The following PARS2 variants were observed in gnomAD, a reference collection of about 807,000 sequenced individuals.
The protein encoded by PARS2 is probable proline--tRNA ligase, mitochondrial.
Under a neutral mutation model 27.4 loss-of-function variants are expected in PARS2, and 20 were observed. The observed-to-expected ratio is 0.73, with a 90% CI of 0.51 to 1.06. The LOEUF is 1.06. Ranked by LOEUF, PARS2 falls within the 50% of genes least tolerant of loss-of-function variation. The pLI is 0.00. For missense variants in PARS2, 585 were observed against 602.1 expected (o/e 0.97, Z 0.30); for synonymous variants, 240 against 247.1 (o/e 0.97, Z 0.27).
At chr1:54,763,882 G>C (rs555421474) in intron 1 of PARS2, among the ~76,000 whole-genome samples, 1 of 152,186 alleles carries the variant, frequency 6.6e-6, no homozygotes, top group Non-Finnish European at 1.5e-5. Context: ...GTCTCACAAA[G>C]TGCTATTATT....
rs1412480802 is a variant in PARS2 at position 54,758,959 on chromosome 1, C to G, written c.203G>C (p.Cys68Ser). Reference protein sequence around the residue: ...SLQDKSDDLTCKSQRLMLQVG... With the variant: ...SLQDKSDDLTSKSQRLMLQVG... Reference sequence around the variant, plus strand: ...CTGCAGCATCAGCCGCTGGCTCTTACAGGTCAGGTCATCAGATTTGTCCTG... The same window carrying G: ...CTGCAGCATCAGCCGCTGGCTCTTAGAGGTCAGGTCATCAGATTTGTCCTG... The change falls in exon 2 of 2, where the codon TGT becomes TCT. Residue 68 changes from cysteine (C) to serine (S), a missense_variant. Physicochemically the swap from Cys to Ser is moderately radical, Grantham distance 112. Transcript: ENST00000371279. 6.2e-7 allele frequency: 1 copy of G among 1,614,030 alleles called. No homozygotes were observed. The highest frequency in any genetic ancestry group is 1.1e-5 in the South Asian group (1 of 91,064).
Position 54,758,713 on chromosome 1 carries a change from T to C in PARS2, c.449A>G (p.Lys150Arg), listed in dbSNP as rs748319911. 1.2e-6 allele frequency: 2 copies of C among 1,614,228 alleles called. No homozygotes were observed. Among genetic ancestry groups the C allele is most frequent in the Non-Finnish European group, 1.7e-6 (2 of 1,180,034 alleles). ...GTGAGTTGGTCCTAAGCAGTATTCCTTGCCATGCCTGTCTCTAAGTCTTAG... is the reference window on the plus strand; with the variant it reads ...GTGAGTTGGTCCTAAGCAGTATTCCCTGCCATGCCTGTCTCTAAGTCTTAG... Reference protein sequence around the residue: ...ELLRLRDRHGKEYCLGPTHEE... With the variant: ...ELLRLRDRHGREYCLGPTHEE... The change falls in exon 2 of 2, where the codon AAG (lysine) becomes AGG (arginine). Residue 150 changes from lysine to arginine, a missense_variant. Physicochemically the swap from Lys to Arg is conservative, Grantham distance 26. Coordinates refer to ENST00000371279, the MANE Select transcript of PARS2 (RefSeq NM_152268.4).
In PARS2 at chr1:54,758,813, C is replaced by T; in HGVS notation, c.349G>A (p.Val117Ile). The stretch of plus-strand genomic sequence containing the variant: ...GCCGGGCTGAGGCTGGGCATGTTGA[C>T]TTTCTGGCCCCCGATGGCCTGCATC... ...QEMQAIGGQK[V>I]NMPSLSPAEL... Residue 117 changes from valine (V) to isoleucine (I), a missense_variant, in exon 2 of 2, where the codon GTC becomes ATC. Val to Ile is a conservative substitution (Grantham distance 29). Transcript: ENST00000371279. 1.9e-6 allele frequency: 3 copies of T among 1,614,112 alleles called. No homozygotes were observed. Among genetic ancestry groups the T allele is most frequent in the Middle Eastern group, 1.6e-4 (1 of 6,062 alleles).
chr1:54,757,986 C>G lies in PARS2; in HGVS notation c.1176G>C (p.Gln392His). ...CTGCCTCTGTGATGTGGTCGTACAG[C>G]TGCCCTATGAGCTCGGAGGCCGCCT... ...KEQAASELIG[Q>H]LYDHITEAVP... The change falls in exon 2 of 2, where the codon CAG becomes CAC. Residue 392 changes from glutamine (Q) to histidine (H), a missense_variant. Coordinates refer to ENST00000371279, the MANE Select transcript of PARS2 (RefSeq NM_152268.4). 2 of 1,614,178 alleles carry G rather than the reference C, an allele frequency of 1.2e-6. No individual in the cohort carries two copies. Among genetic ancestry groups the G allele is most frequent in the Non-Finnish European group, 1.7e-6 (2 of 1,180,032 alleles).
chr1:54,761,620 A>T (rs1211365947), intron 1 of PARS2, among the ~76,000 whole-genome samples: 4 of 152,112 alleles, frequency 2.6e-5, no homozygotes, highest in Non-Finnish European at 5.9e-5. Context: ...TTTAGTGAGT[A>T]CCTCTACTTT....
rs1271254265 is a variant in PARS2, at chr1:54,756,922, T to C, written c.*812A>G. The C allele has an allele frequency of 6.6e-6, 1 of 152,180 alleles. No individual in the cohort carries two copies. The highest frequency in any genetic ancestry group is 2.4e-5 in the African/African-American group (1 of 41,436). The allele number at this position is 152,180 out of a possible 1,614,324, so 9.4% of individuals were successfully genotyped here. A position where few individuals can be genotyped will look rare whatever the true frequency, so the allele number is the denominator to read the frequency against. On this transcript the variant is annotated 3_prime_UTR_variant, in exon 2 of 2. Transcript: ENST00000371279. ...ATTCCAATAGTTTGACTTTATTAAA[T>C]CAATAGAACGGGATCTCAGTGGTTA...
intron 1 of PARS2, among the ~76,000 whole-genome samples, chr1:54,762,708 C>T (rs1006767318): frequency 6.6e-6 from 1 of 152,172 alleles, no homozygotes; most frequent in Non-Finnish European, 1.5e-5. Context: ...ACACAGTGGA[C>T]ACTCAATAAC....
chr1:54,762,907 C>T, intron 1 of PARS2, among the ~76,000 whole-genome samples: 1 of 152,112 alleles, frequency 6.6e-6, no homozygotes, highest in Non-Finnish European at 1.5e-5. Flanking sequence ...AATTCTTGAA[C>T]CCTGTCAGTC....
Position 54,756,952 on chromosome 1 carries a change from G to A in PARS2, c.*782C>T, listed in dbSNP as rs578150278. 5.1e-4 allele frequency: 77 copies of A among 152,230 alleles called. No homozygotes were observed. Among genetic ancestry groups the A allele is most frequent in the African/African-American group, 1.6e-3 (66 of 41,548 alleles). 9.4% of individuals were successfully genotyped at this position (152,230 alleles called of 1,614,324 possible). The stretch of plus-strand genomic sequence containing the variant: ...AGAACGGGATCTCAGTGGTTAAGCC[G>A]TCTTAACAGGGCCAGGTCTCTTGAG... On this transcript the variant is annotated 3_prime_UTR_variant, in exon 2 of 2. Transcript: ENST00000371279.
intron 1 of PARS2, among the ~76,000 whole-genome samples, chr1:54,760,979 C>T (rs570813257): frequency 2.6e-5 from 4 of 152,278 alleles, no homozygotes; most frequent in Non-Finnish European, 4.4e-5. Context: ...GGGGTTTCAC[C>T]GTGTTAGCCA....
chr1:54,757,616 C>T lies in PARS2; in HGVS notation c.*118G>A. 1 of 630,132 alleles carries T rather than the reference C, an allele frequency of 1.6e-6. No homozygotes were observed. The highest frequency in any genetic ancestry group is 2.8e-6 in the Non-Finnish European group (1 of 362,728). The allele number at this position is 630,132 out of a possible 1,614,324, so 39.0% of individuals were successfully genotyped here. ...AAAATTGATTTCCCTAACATGATCTCACCCTCCATGAGCTGTGCTGTTTCT... is the reference window on the plus strand; with the variant it reads ...AAAATTGATTTCCCTAACATGATCTTACCCTCCATGAGCTGTGCTGTTTCT... On this transcript the variant is annotated 3_prime_UTR_variant, in exon 2 of 2. Coordinates refer to ENST00000371279, the MANE Select transcript of PARS2 (RefSeq NM_152268.4).
intron 1 of PARS2, among the ~76,000 whole-genome samples, chr1:54,762,019 C>G (rs777357189): frequency 6.6e-6 from 1 of 152,216 alleles, no homozygotes; most frequent in Non-Finnish European, 1.5e-5. Context: ...AAGTCCACCC[C>G]CTCCTTTCTG....
rs1477122289 is a variant in PARS2 at position 54,757,742 on chromosome 1, T to C, written c.1420A>G (p.Thr474Ala). ...GVMDLLTPVQ[T>A]V ...GGGTGGGCTGGGGGCATTTAGACAG[T>C]CTGCACTGGGGTCAGTAAATCCATG... The change falls in exon 2 of 2, where the codon ACT (threonine) becomes GCT (alanine). Residue 474 changes from threonine to alanine, a missense_variant. Thr to Ala is a moderately conservative substitution (Grantham distance 58). Transcript: ENST00000371279. 5 of 1,604,194 alleles carry C rather than the reference T, an allele frequency of 3.1e-6. No individual in the cohort carries two copies. The highest frequency in any genetic ancestry group is 4.3e-6 in the Non-Finnish European group (5 of 1,173,692).
chr1:54,760,848 GGCTCACT>G (rs1646151853), intron 1 of PARS2, among the ~76,000 whole-genome samples: 1 of 151,890 alleles, frequency 6.6e-6, no homozygotes, highest in African/African-American at 2.4e-5. Context: ...GCGCGATCTG[GGCTCACT>G]GCAAGCTCTG....
Position 54,758,594 on chromosome 1 carries a change from C to G in PARS2, c.568G>C (p.Asp190His), listed in dbSNP as rs1646135972. Residue 190 changes from aspartate to histidine, a missense_variant, in exon 2 of 2, where the codon GAT becomes CAT. Physicochemically the swap from Asp to His is moderately conservative, Grantham distance 81. Transcript: ENST00000371279. ...LLYQVTRKFRDEPRPRFGLLR... is the reference protein window; with the variant it reads ...LLYQVTRKFRHEPRPRFGLLR... ...AGACCAAAGCGGGGCCTGGGCTCAT[C>G]CCGAAACTTCCTTGTCACTTGGTAC... The G allele has an allele frequency of 6.2e-7, 1 of 1,614,208 alleles. No homozygotes were observed. The highest frequency in any genetic ancestry group is 1.3e-5 in the African/African-American group (1 of 75,056).
rs1482601968 is a variant in PARS2 at position 54,762,143 on chromosome 1, T to TTTC, written c.-30+2317_-30+2318insGAA. Among the ~76,000 whole-genome samples, 19 of 151,452 alleles carry TTTC rather than the reference T, an allele frequency of 1.3e-4. 1 individual carries two copies. The highest frequency in any genetic ancestry group is 7.9e-4 in the Admixed American group (12 of 15,240). ...AGAATCGCTGGAGGGCTTGTTTTTT[T>TTTC]TTTTTTTTTTTTAGAGACAGAGTTC... On this transcript the variant is annotated intron_variant, in intron 1 of 1. Transcript: ENST00000371279.
Position 54,757,633 on chromosome 1 carries a change from G to A in PARS2, c.*101C>T, listed in dbSNP as rs2101405215. ...CATGATCTCACCCTCCATGAGCTGT[G>A]CTGTTTCTGGAGAGAGCAGTCCAGG... On this transcript the variant is annotated 3_prime_UTR_variant, in exon 2 of 2. Coordinates refer to ENST00000371279, the MANE Select transcript of PARS2 (RefSeq NM_152268.4). 1.4e-6 allele frequency: 1 copy of A among 690,754 alleles called. No homozygotes were observed. Among genetic ancestry groups the A allele is most frequent in the South Asian group, 1.9e-5 (1 of 53,584 alleles). 42.8% of individuals were successfully genotyped at this position (690,754 alleles called of 1,614,324 possible). A position where few individuals can be genotyped will look rare whatever the true frequency, so the allele number is the denominator to read the frequency against.
At position 54,757,677 on chromosome 1, in the gene PARS2, G is replaced by T; in HGVS notation, c.*57C>A. 8.7e-7 allele frequency: 1 copy of T among 1,150,854 alleles called. No individual in the cohort carries two copies. The highest frequency in any genetic ancestry group is 1.3e-6 in the Non-Finnish European group (1 of 792,506). The allele number at this position is 1,150,854 out of a possible 1,614,324, so 71.3% of individuals were successfully genotyped here. On this transcript the variant is annotated 3_prime_UTR_variant, in exon 2 of 2. Transcript: ENST00000371279. ...GTCCAGGAAAGGGGTGTAGGAAAAT[G>T]CAGTGTTAGAACGAACACCAAGGCT...
In PARS2 at chr1:54,761,356, T is replaced by C. The variant is rs1204535432; in HGVS notation, c.-29-2166A>G. Among the ~76,000 whole-genome samples, 3 of 152,244 alleles carry C rather than the reference T, an allele frequency of 2.0e-5. No homozygotes were observed. The East Asian group carries it at 5.8e-4, about 29-fold the overall frequency. On this transcript the variant is annotated intron_variant, in intron 1 of 1. Transcript: ENST00000371279. ...TGCTCACCACTGTATCTTCAGCACA[T>C]GACAGGGGCTTACTAGACATTGTCC...
Sources: gnomAD v4.1 joint callset for allele counts (sites outside exome capture counted in the v4.1 genomes callset) on GRCh38, gnomAD v4.1.1 for gene constraint, MANE v1.5 for transcripts, NCBI Gene and HGNC (gene_info 2026-07-23, HGNC 2026-07-21) for gene names.